Variants in WWOX observed in about 807,000 individuals in gnomAD.
The protein encoded by WWOX is WW domain containing oxidoreductase, also known as WW domain-containing oxidoreductase.
WWOX carries 69 observed loss-of-function variants against 46.2 expected under a neutral mutation model. The observed-to-expected ratio is 1.49, with a 90% CI of 1.23 to 1.82. WWOX has a LOEUF of 1.82. WWOX is among the 40% of genes most tolerant of loss of function. The pLI is 0.00. For synonymous variants in WWOX, 359 were observed against 202.6 expected, an observed-to-expected ratio of 1.77 and a Z score of -6.56; for missense variants, 919 against 542.6, an observed-to-expected ratio of 1.69 and a Z score of -6.89.
intron 5 of WWOX, among the ~76,000 whole-genome samples, chr16:78,199,379 C>A (rs1336887723): frequency 6.6e-6 from 1 of 152,096 alleles, no homozygotes; most frequent in Non-Finnish European, 1.5e-5. Context: ...CATGTATTAT[C>A]TATGGATTGA....
rs1409537902 is a variant in WWOX at position 78,424,935 on chromosome 16, G to T, written c.671G>T (p.Gly224Val). 6.2e-7 allele frequency: 1 copy of T among 1,614,134 alleles called. No individual in the cohort carries two copies. Among genetic ancestry groups the T allele is most frequent in the East Asian group, 2.2e-5 (1 of 44,866 alleles). ...FALPWSLTKD[G>V]LETTFQVNHL... Reference sequence around the variant, plus strand: ...CTACCCTGGAGTCTCACCAAAGATGGCCTGGAGACCACCTTTCAAGTGAAT... The same window carrying T: ...CTACCCTGGAGTCTCACCAAAGATGTCCTGGAGACCACCTTTCAAGTGAAT... Residue 224 changes from glycine (G) to valine (V), a missense_variant, in exon 7 of 9, where the codon GGC becomes GTC. By Grantham distance (109) the Gly-to-Val change is moderately radical. Transcript: ENST00000566780.
chr16:78,142,485 G>A (rs959307634), intron 4 of WWOX, among the ~76,000 whole-genome samples: 5 of 152,178 alleles, frequency 3.3e-5, no homozygotes, highest in African/African-American at 9.7e-5. Flanking sequence ...AAAAACACTT[G>A]TCATTCTCAC....
chr16:78,895,459 G>T (rs375198260), intron 8 of WWOX: 6 of 152,332 alleles, frequency 3.9e-5, no homozygotes, highest in African/African-American at 1.4e-4. Context: ...CAGTGGTGAC[G>T]ATGGCCTAGC....
At chr16:78,781,338 T>G (rs955413856) in intron 8 of WWOX, among the ~76,000 whole-genome samples, 6 of 152,208 alleles carry the variant, frequency 3.9e-5, no homozygotes, top group Non-Finnish European at 7.3e-5. Flanking sequence ...GAGCTGTGTT[T>G]GAGATCTCAG....
chr16:78,418,665 CAATAT>C (rs1275735951), intron 6 of WWOX, among the ~76,000 whole-genome samples: 3 of 152,006 alleles, frequency 2.0e-5, no homozygotes, highest in African/African-American at 4.8e-5. Context: ...AAAAATCAGT[CAATAT>C]AATATAACAT....
intron 8 of WWOX, among the ~76,000 whole-genome samples, chr16:78,987,241 A>C (rs2046800866): frequency 6.6e-6 from 1 of 152,212 alleles, no homozygotes; most frequent in Non-Finnish European, 1.5e-5. Context: ...TGTGCTTATT[A>C]ACTCAGTCCT....
At chr16:78,751,488 T>TATATATGC (rs2049477947) in intron 8 of WWOX, among the ~76,000 whole-genome samples, 1 of 142,528 alleles carries the variant, frequency 7.0e-6, no homozygotes, top group African/African-American at 2.6e-5. Flanking sequence ...TATATATATA[T>TATATATGC]GCATATGTTT....
At chr16:78,332,955 T>C (rs2080794987) in intron 5 of WWOX, among the ~76,000 whole-genome samples, 1 of 151,896 alleles carries the variant, frequency 6.6e-6, no homozygotes, top group Admixed American at 6.6e-5. Context: ...GTTCTGTTGC[T>C]CAGAACCCTT....
At chr16:78,932,267 C>G (rs1034044425) in intron 8 of WWOX, among the ~76,000 whole-genome samples, 1 of 152,302 alleles carries the variant, frequency 6.6e-6, no homozygotes, top group Non-Finnish European at 1.5e-5. Context: ...ATGAAGGTAT[C>G]TGGTCCTGTC....
At chr16:78,427,732 C>G (rs375217520) in intron 7 of WWOX, among the ~76,000 whole-genome samples, 66 of 152,198 alleles carry the variant, frequency 4.3e-4, no homozygotes, top group African/African-American at 1.5e-3. Flanking sequence ...AAGCGTTGAT[C>G]ATGCCACTGC....
At chr16:78,332,474 G>C (rs969621044) in intron 5 of WWOX, among the ~76,000 whole-genome samples, 80 of 152,282 alleles carry the variant, frequency 5.3e-4, no homozygotes, top group African/African-American at 1.9e-3. Context: ...CAAGGTAAAA[G>C]AAGGATGTTA....
intron 8 of WWOX, among the ~76,000 whole-genome samples, chr16:78,979,084 CT>C (rs200040353): frequency 0.15 from 20,639 of 142,022 alleles, 1,464 homozygotes; most frequent in Middle Eastern, 0.29. Context: ...GAATTTCAGT[CT>C]TTTTTTTTTT....
chr16:78,653,881 A>G (rs567700443), intron 8 of WWOX, among the ~76,000 whole-genome samples: 2 of 152,346 alleles, frequency 1.3e-5, no homozygotes, highest in Admixed American at 1.3e-4. Flanking sequence ...CACGTTGTCT[A>G]TTACATGCAG....
intron 8 of WWOX, among the ~76,000 whole-genome samples, chr16:78,438,044 C>G (rs2083371142): frequency 6.6e-6 from 1 of 152,094 alleles, no homozygotes; most frequent in Non-Finnish European, 1.5e-5. Context: ...ATTTTCAAGG[C>G]TAATCTTGGG....
intron 8 of WWOX, among the ~76,000 whole-genome samples, chr16:78,664,207 A>G (rs2047279384): frequency 6.6e-6 from 1 of 152,158 alleles, no homozygotes; most frequent in South Asian, 2.1e-4. Flanking sequence ...GATTCAGGAA[A>G]CATGACCACA....
chr16:78,420,651 A>ATGGTTTT (rs75985674), intron 6 of WWOX, among the ~76,000 whole-genome samples: 6,604 of 138,924 alleles, frequency 0.048, 589 homozygotes, highest in African/African-American at 0.18. Context: ...GTGATTGCTA[A>ATGGTTTT]TTTTTTTTTT....
chr16:78,810,415 G>C (rs570209521), intron 8 of WWOX, among the ~76,000 whole-genome samples: 1 of 152,238 alleles, frequency 6.6e-6, no homozygotes, highest in Admixed American at 6.5e-5. Context: ...ACAGCGTATT[G>C]GCAGTTCATA....
chr16:78,784,250 C>G (rs2050401163), intron 8 of WWOX, among the ~76,000 whole-genome samples: 1 of 152,090 alleles, frequency 6.6e-6, no homozygotes, highest in Non-Finnish European at 1.5e-5. Flanking sequence ...ATGAGGAAAC[C>G]TTGGCTTAGA....
rs2051648574 is a variant in WWOX, at chr16:78,826,111, T to G, written c.1057-385497T>G. ...CCGGGAATGCCTGTAATCCCAGCAC[T>G]GTGGGAGTCAAGACAGGCCGATCAC... On this transcript the variant is annotated intron_variant, in intron 8 of 8. Transcript: ENST00000566780. 1.3e-5 allele frequency: 4 copies of G among 307,066 alleles called. No homozygotes were observed. In the South Asian group the frequency reaches 4.2e-4, roughly 32 times the overall value. The allele number at this position is 307,066 out of a possible 1,614,324, so 19.0% of individuals were successfully genotyped here. A position where few individuals can be genotyped will look rare whatever the true frequency, so the allele number is the denominator to read the frequency against.
Sources: allele counts gnomAD v4.1 joint callset (sites outside exome capture counted in the v4.1 genomes callset), GRCh38; gene constraint gnomAD v4.1.1; transcripts MANE v1.5; gene names NCBI Gene and HGNC (gene_info 2026-07-23, HGNC 2026-07-21).